LY86: variants seen among roughly 807,000 people sequenced by gnomAD.
The protein encoded by LY86 is lymphocyte antigen 86.
A neutral mutation model predicts 17.3 loss-of-function variants in LY86; 20 were observed. The observed-to-expected ratio is 1.15, with a 90% CI of 0.81 to 1.68. The LOEUF (loss-of-function observed/expected upper bound fraction) is 1.68, where lower values mean the gene tolerates loss of function less well. Among genes scored for constraint, LY86 ranks in the 40% most tolerant of loss-of-function variants. The pLI is 0.00. For synonymous variants in LY86, 74 were observed against 70.6 expected (o/e 1.05, Z -0.24); for missense variants, 200 against 191.9 (o/e 1.04, Z -0.25).
At position 6,589,746 on chromosome 6, in the gene LY86, TCTC is replaced by T. The variant is rs144549112; in HGVS notation, c.136+880_136+882del. On this transcript the variant is annotated intron_variant, in intron 1 of 4. Coordinates refer to ENST00000230568, the MANE Select transcript of LY86 (RefSeq NM_004271.4). Reference sequence around the variant, plus strand: ...CCCTCTGTGTACATCTGTGTCCTCATCTCCTCTTCTTATAAGTACACAATCATA... The same window carrying T: ...CCCTCTGTGTACATCTGTGTCCTCATCTCTTCTTATAAGTACACAATCATA... 2.6e-3 allele frequency among the ~76,000 whole-genome samples: 391 copies of T among 151,864 alleles called. 1 individual carries two copies. The highest frequency in any genetic ancestry group is 8.5e-3 in the African/African-American group (349 of 41,176).
At chr6:6,612,803 C>A (rs1175191716) in intron 1 of LY86, among the ~76,000 whole-genome samples, 1 of 152,176 alleles carries the variant, frequency 6.6e-6, no homozygotes, top group Non-Finnish European at 1.5e-5. Context: ...CTGAGCTAGA[C>A]ACAGAGTGCT....
chr6:6,613,355 T>G (rs1761449180), intron 1 of LY86, among the ~76,000 whole-genome samples: 1 of 152,236 alleles, frequency 6.6e-6, no homozygotes, highest in Non-Finnish European at 1.5e-5. Flanking sequence ...AGGCTTGGCC[T>G]GCTCATAAGC....
At chr6:6,649,489 G>GGTC in intron 3 of LY86, 136 bp from the exon 4 acceptor site, 1 of 486,386 alleles carries the variant, frequency 2.1e-6, no homozygotes, top group South Asian at 3.6e-5. Context: ...ATCAGGAAAT[G>GGTC]AAAACATTTC....
intron 3 of LY86, among the ~76,000 whole-genome samples, chr6:6,642,114 G>A (rs1353637725): frequency 1.3e-5 from 2 of 152,238 alleles, no homozygotes; most frequent in Admixed American, 6.5e-5. Context: ...TCCAGCAGCC[G>A]GGATTCCACC....
At chr6:6,639,013 C>T (rs1055479098) in intron 3 of LY86, among the ~76,000 whole-genome samples, 3 of 151,990 alleles carry the variant, frequency 2.0e-5, no homozygotes, top group African/African-American at 7.3e-5. Context: ...ATAGCAAAGA[C>T]TTGGAACCAA....
chr6:6,613,125 C>T (rs979921967), intron 1 of LY86, among the ~76,000 whole-genome samples: 4 of 152,262 alleles, frequency 2.6e-5, no homozygotes, highest in Admixed American at 2.0e-4. Context: ...GAGCTAGACA[C>T]AGGGGGCTGA....
At chr6:6,624,171 T>C (rs1761737297) in intron 1 of LY86, among the ~76,000 whole-genome samples, 1 of 152,180 alleles carries the variant, frequency 6.6e-6, no homozygotes, top group South Asian at 2.1e-4. Flanking sequence ...CCTCAAGGAA[T>C]GAAGGATGGA....
At chr6:6,602,655 T>G (rs543622723) in intron 1 of LY86, among the ~76,000 whole-genome samples, 1 of 152,080 alleles carries the variant, frequency 6.6e-6, no homozygotes, top group African/African-American at 2.4e-5. Context: ...TGTGGGTAAC[T>G]GGGGTTCAGT....
intron 1 of LY86, among the ~76,000 whole-genome samples, chr6:6,618,165 G>T (rs918594986): frequency 1.3e-5 from 2 of 152,166 alleles, no homozygotes; most frequent in African/African-American, 4.8e-5. Flanking sequence ...CTACTCCTAA[G>T]ATGCAAAGAT....
intron 1 of LY86, among the ~76,000 whole-genome samples, chr6:6,613,234 G>A (rs1410677202): frequency 2.0e-5 from 3 of 152,288 alleles, no homozygotes; most frequent in South Asian, 2.1e-4. Context: ...CCGGCACTAG[G>A]GCCGCAGGTG....
At chr6:6,605,714 C>T (rs1299761461) in intron 1 of LY86, among the ~76,000 whole-genome samples, 1 of 151,940 alleles carries the variant, frequency 6.6e-6, no homozygotes, top group African/African-American at 2.4e-5. Context: ...CGCGGAACCT[C>T]GCGGTGAGTG....
At chr6:6,643,106 A>G (rs940087238) in intron 3 of LY86, among the ~76,000 whole-genome samples, 3 of 152,190 alleles carry the variant, frequency 2.0e-5, no homozygotes, top group Admixed American at 2.0e-4. Flanking sequence ...TCTCCTTTGG[A>G]TATATAAATA....
At chr6:6,627,494 T>C (rs1761813004) in intron 3 of LY86, among the ~76,000 whole-genome samples, 1 of 152,034 alleles carries the variant, frequency 6.6e-6, no homozygotes, top group Admixed American at 6.6e-5. Context: ...CCCTCCCGAG[T>C]GTGTGGCACA....
At chr6:6,593,207 T>G (rs941945955) in intron 1 of LY86, among the ~76,000 whole-genome samples, 4 of 152,280 alleles carry the variant, frequency 2.6e-5, no homozygotes. Context: ...TCTTTTCTTT[T>G]CCAGCTTGTA....
intron 4 of LY86, among the ~76,000 whole-genome samples, chr6:6,650,930 G>A (rs1473762376): frequency 1.3e-5 from 2 of 151,978 alleles, no homozygotes; most frequent in African/African-American, 2.4e-5. Context: ...ATCTCCATGT[G>A]ATCATGTTTT....
intron 1 of LY86, among the ~76,000 whole-genome samples, chr6:6,601,007 A>G (rs1050439980): frequency 1.3e-5 from 2 of 152,274 alleles, no homozygotes; most frequent in African/African-American, 4.8e-5. Context: ...ATAAGTGCAC[A>G]CTTCCAAAAA....
intron 1 of LY86, among the ~76,000 whole-genome samples, chr6:6,596,603 T>G (rs1760721895): frequency 6.6e-6 from 1 of 152,184 alleles, no homozygotes. Context: ...ATTGAACAGC[T>G]AGCTGCCTTG....
chr6:6,608,464 T>C (rs1761251999), intron 1 of LY86, among the ~76,000 whole-genome samples: 1 of 152,248 alleles, frequency 6.6e-6, no homozygotes, highest in Non-Finnish European at 1.5e-5. Flanking sequence ...TTGTTTCCAC[T>C]TTTTTGCAAT....
At chr6:6,643,167 G>T (rs1166647455) in intron 3 of LY86, among the ~76,000 whole-genome samples, 1 of 152,126 alleles carries the variant, frequency 6.6e-6, no homozygotes, top group African/African-American at 2.4e-5. Context: ...TTAATTTTTT[G>T]AGGAATCTCC....
Sources: allele counts gnomAD v4.1 joint callset (sites outside exome capture counted in the v4.1 genomes callset), GRCh38; gene constraint gnomAD v4.1.1; transcripts MANE v1.5; gene names NCBI Gene and HGNC (gene_info 2026-07-23, HGNC 2026-07-21).